GRM5: variants seen among roughly 807,000 people sequenced by gnomAD.
GRM5 encodes the protein metabotropic glutamate receptor 5.
A neutral mutation model predicts 83.1 loss-of-function variants in GRM5; 19 were observed. That is an observed-to-expected ratio of 0.23 (90% CI 0.16 to 0.34). The LOEUF is 0.34. GRM5 is among the 10% of genes least tolerant of loss of function. The pLI, the probability that GRM5 is intolerant of heterozygous loss-of-function variation, is 1.00. For synonymous variants in GRM5, 675 were observed against 633.6 expected (o/e 1.07, Z -0.98); for missense variants, 1,160 against 1,588.3 (o/e 0.73, Z 4.58).
At chr11:88,646,911 A>G in intron 4 of GRM5, among the ~76,000 whole-genome samples, 1 of 151,450 alleles carries the variant, frequency 6.6e-6, no homozygotes, top group Non-Finnish European at 1.5e-5. Flanking sequence ...AAAAAACACC[A>G]CAAATTGGTT....
intron 3 of GRM5, among the ~76,000 whole-genome samples, chr11:88,825,094 C>T (rs1266814860): frequency 6.6e-6 from 1 of 151,974 alleles, no homozygotes; most frequent in Admixed American, 6.6e-5. Context: ...CTTGGTCTGC[C>T]GTGTTTTCTT....
intron 9 of GRM5, among the ~76,000 whole-genome samples, chr11:88,517,949 A>G (rs1941567807): frequency 6.6e-6 from 1 of 152,056 alleles, no homozygotes; most frequent in African/African-American, 2.4e-5. Context: ...TCTATTTACA[A>G]AATGTTTTTC....
At chr11:88,850,557 A>T (rs1419860732) in intron 2 of GRM5, among the ~76,000 whole-genome samples, 5 of 151,432 alleles carry the variant, frequency 3.3e-5, no homozygotes, top group African/African-American at 1.2e-4. Flanking sequence ...GTATTTAAAG[A>T]TATAGTACAT....
intron 2 of GRM5, among the ~76,000 whole-genome samples, chr11:88,983,026 A>G (rs1939578252): frequency 6.6e-6 from 1 of 152,214 alleles, no homozygotes; most frequent in Non-Finnish European, 1.5e-5. Context: ...AGATCACGCC[A>G]CTGCACTCCA....
At chr11:88,782,993 C>G (rs1423966119) in intron 3 of GRM5, among the ~76,000 whole-genome samples, 1 of 152,064 alleles carries the variant, frequency 6.6e-6, no homozygotes, top group Non-Finnish European at 1.5e-5. Context: ...GGAGATTAAG[C>G]TATTTGCTAA....
chr11:88,670,769 C>A (rs1021549156), intron 3 of GRM5, among the ~76,000 whole-genome samples: 1 of 151,762 alleles, frequency 6.6e-6, no homozygotes, highest in Non-Finnish European at 1.5e-5. Context: ...ACTCACAGAC[C>A]AAAATGGCAA....
chr11:88,525,377 G>T lies in GRM5; in HGVS notation c.2658C>A (p.His886Gln). The T allele has an allele frequency of 6.2e-7, 1 of 1,611,096 alleles. No individual in the cohort carries two copies. The highest frequency in any genetic ancestry group is 8.5e-7 in the Non-Finnish European group (1 of 1,177,448). The change falls in exon 9 of 10, where the codon CAC becomes CAA. Residue 886 changes from histidine (H) to glutamine (Q), a missense_variant. His to Gln is a conservative substitution (Grantham distance 24). Around this residue, in one of 9 missense-constraint regions of GRM5, gnomAD observed 562 missense variants for 532.4 expected, o/e 1.06. Coordinates refer to ENST00000305447, the MANE Select transcript of GRM5 (RefSeq NM_001143831.3). ...GGGTGAAACACTCTATTTCCGACTTGTGCTGGGCCAGTCTCCTGTCTTTGT... is the reference window on the plus strand; with the variant it reads ...GGGTGAAACACTCTATTTCCGACTTTTGCTGGGCCAGTCTCCTGTCTTTGT... ...LRYKDRRLAQHKSEIECFTPK... is the reference protein window; with the variant it reads ...LRYKDRRLAQQKSEIECFTPK...
At position 88,567,445 on chromosome 11, in the gene GRM5, G is replaced by T; in HGVS notation, c.2238C>A (p.Tyr746Ter). The T allele has an allele frequency of 6.2e-7, 1 of 1,614,090 alleles. No individual in the cohort carries two copies. The highest frequency in any genetic ancestry group is 8.5e-7 in the Non-Finnish European group (1 of 1,179,910). ...TNLGVVTPLG[Y>*]NGLLILSCTF... The stretch of plus-strand genomic sequence containing the variant: ...TGCAGCTCAAAATCAACAATCCATT[G>T]TATCCAAGTGGAGTGACAACTCCTA... Residue 746 changes from tyrosine to a stop codon, truncating the protein, a stop_gained, in exon 8 of 10, where the codon TAC becomes TAA. Transcript: ENST00000305447. LOFTEE classifies it high-confidence loss of function. This position sits in a 1 kb window ranked among gnomAD's most constrained non-coding sequence, Gnocchi z 7.3.
chr11:88,943,535 G>T (rs192043778), intron 2 of GRM5, among the ~76,000 whole-genome samples: 184 of 152,070 alleles, frequency 1.2e-3, no homozygotes, highest in Non-Finnish European at 2.1e-3. Flanking sequence ...CAAAAACAAA[G>T]CTTATGGTCC....
chr11:88,719,763 G>T (rs879239413), intron 3 of GRM5, among the ~76,000 whole-genome samples: 1 of 151,916 alleles, frequency 6.6e-6, no homozygotes, highest in Non-Finnish European at 1.5e-5. Context: ...ATTCTGACTG[G>T]CATGAGATGG....
At chr11:89,038,363 T>A (rs1565346705) in intron 2 of GRM5, among the ~76,000 whole-genome samples, 7 of 152,236 alleles carry the variant, frequency 4.6e-5, no homozygotes, top group Admixed American at 4.6e-4. Context: ...ACAACCCTGA[T>A]GAATTCCAAA....
chr11:89,032,318 TA>T (rs1359995498), intron 2 of GRM5, among the ~76,000 whole-genome samples: 3 of 152,052 alleles, frequency 2.0e-5, no homozygotes, highest in Non-Finnish European at 2.9e-5. Context: ...AACAGTAAAC[TA>T]AAAAAAGCAT....
At chr11:88,799,740 ACAG>A (rs1590866345) in intron 3 of GRM5, among the ~76,000 whole-genome samples, 1 of 152,118 alleles carries the variant, frequency 6.6e-6, no homozygotes, top group African/African-American at 2.4e-5. Context: ...ATCCATGGTC[ACAG>A]CAGTTCTACG....
chr11:88,571,136 G>A (rs1424300923), intron 7 of GRM5, among the ~76,000 whole-genome samples: 1 of 151,954 alleles, frequency 6.6e-6, no homozygotes, highest in Non-Finnish European at 1.5e-5. Flanking sequence ...TCATCTTAAT[G>A]TAATTAAGTT....
intron 4 of GRM5, among the ~76,000 whole-genome samples, chr11:88,649,240 T>C (rs1939558936): frequency 7.5e-6 from 1 of 133,814 alleles, no homozygotes; most frequent in Non-Finnish European, 1.5e-5. Context: ...ATAGTATATA[T>C]ATCACACACA....
At chr11:88,815,426 G>T (rs1283959405) in intron 3 of GRM5, among the ~76,000 whole-genome samples, 2 of 152,100 alleles carry the variant, frequency 1.3e-5, no homozygotes, top group Non-Finnish European at 2.9e-5. Flanking sequence ...TCAATTTAGG[G>T]CATTATATGC....
In GRM5 at chr11:88,890,357, C is replaced by G. The variant is rs1384176524; in HGVS notation, c.662-40202G>C. On this transcript the variant is annotated intron_variant, in intron 2 of 9. Transcript: ENST00000305447. ...ATTAGGCCCTAAAAATGCATGCTACCTGGCCCAGTTCCACCAAAGGCTCCA... is the reference window on the plus strand; with the variant it reads ...ATTAGGCCCTAAAAATGCATGCTACGTGGCCCAGTTCCACCAAAGGCTCCA... 5.9e-5 allele frequency among the ~76,000 whole-genome samples: 9 copies of G among 152,202 alleles called. No individual in the cohort carries two copies. The East Asian group carries it at 9.7e-4, about 16-fold the overall frequency.
chr11:88,692,476 C>CA (rs1591443991), intron 3 of GRM5, among the ~76,000 whole-genome samples: 2 of 152,160 alleles, frequency 1.3e-5, no homozygotes, highest in Admixed American at 6.5e-5. Flanking sequence ...CCAACCCCCC[C>CA]ACAGGCCCTT....
At chr11:88,994,353 G>T (rs1340498313) in intron 2 of GRM5, among the ~76,000 whole-genome samples, 1 of 151,148 alleles carries the variant, frequency 6.6e-6, no homozygotes, top group Non-Finnish European at 1.5e-5. Flanking sequence ...AATTCCAATA[G>T]CATTTTTCAC....
Sources: allele counts gnomAD v4.1 joint callset (sites outside exome capture counted in the v4.1 genomes callset), GRCh38; gene constraint gnomAD v4.1.1; regional missense constraint gnomAD v4.1.1; non-coding constraint Gnocchi (gnomAD v3.1); transcripts MANE v1.5; gene names NCBI Gene and HGNC (gene_info 2026-07-23, HGNC 2026-07-21).